The following ACSF2 variants were observed in gnomAD, a reference collection of about 807,000 sequenced individuals.
ACSF2 encodes acyl-CoA synthetase family member 2.
ACSF2 carries 52 observed loss-of-function variants against 79.3 expected under a neutral mutation model. The ratio of observed to expected loss-of-function variants is 0.66; its 90% CI spans 0.53 to 0.83. ACSF2 has a LOEUF of 0.83. Ranked by LOEUF, ACSF2 falls within the 40% of genes least tolerant of loss-of-function variation. ACSF2 has a pLI of 0.00. For synonymous variants in ACSF2, 283 were observed against 312.6 expected, an observed-to-expected ratio of 0.91 and a Z score of 1.00; for missense variants, 661 against 803.3, an observed-to-expected ratio of 0.82 and a Z score of 2.14.
At position 50,473,761 on chromosome 17, in the gene ACSF2, G is replaced by A. The variant is rs752490530; in HGVS notation, c.1572G>A (p.Glu524=). Reference sequence around the variant, plus strand: ...GTGGTGAGAACATCTACCCCGCAGAGCTCGAGGACTTCTTTCACACACACC... The same window carrying A: ...GTGGTGAGAACATCTACCCCGCAGAACTCGAGGACTTCTTTCACACACACC... ...IRGGENIYPA[E]LEDFFHTHPK... is the part of the protein sequence containing the mutation. Residue 524 remains glutamate (E), a synonymous_variant, in exon 13 of 16, where the codon GAG becomes GAA. Coordinates refer to ENST00000300441, the MANE Select transcript of ACSF2 (RefSeq NM_025149.6). 2 of 1,614,220 alleles carry A rather than the reference G, an allele frequency of 1.2e-6. No homozygotes were observed. The highest frequency in any genetic ancestry group is 4.5e-5 in the East Asian group (2 of 44,888).
At chr17:50,445,489 G>A (rs750034504) in intron 1 of ACSF2, among the ~76,000 whole-genome samples, 4 of 152,088 alleles carry the variant, frequency 2.6e-5, no homozygotes, top group African/African-American at 4.8e-5. Flanking sequence ...TTACATTCCC[G>A]ACGTGTCATC....
intron 1 of ACSF2, among the ~76,000 whole-genome samples, chr17:50,459,551 G>A (rs1013042611): frequency 1.3e-5 from 2 of 152,162 alleles, no homozygotes; most frequent in African/African-American, 4.8e-5. Flanking sequence ...CCTGGCTCAG[G>A]TGCCACAGTT....
At chr17:50,454,859 C>T (rs1196776339) in intron 1 of ACSF2, among the ~76,000 whole-genome samples, 1 of 151,016 alleles carries the variant, frequency 6.6e-6, no homozygotes, top group African/African-American at 2.4e-5. Flanking sequence ...TTTTTTTTTT[C>T]CCCCATAAAT....
intron 1 of ACSF2, among the ~76,000 whole-genome samples, chr17:50,430,340 T>A (rs534866331): frequency 5.2e-4 from 79 of 152,296 alleles, no homozygotes; most frequent in African/African-American, 1.9e-3. Context: ...CCTGATTATA[T>A]GATCTGATGA....
In ACSF2 at chr17:50,460,707, G is replaced by A. The variant is rs879457609; in HGVS notation, c.159G>A (p.Thr53=). ...GAGAGGTGGATCGCATGGTCTCCAC[G>A]CCCATCGGAGGCCTCAGCTACGTTC... The part of the protein sequence containing the change: ...SSREVDRMVS[T]PIGGLSYVQG... Residue 53 remains threonine, a synonymous_variant, in exon 2 of 16, where the codon ACG becomes ACA. Transcript: ENST00000300441. 2.2e-5 allele frequency: 36 copies of A among 1,612,862 alleles called. No individual in the cohort carries two copies. The highest frequency in any genetic ancestry group is 3.3e-5 in the Admixed American group (2 of 59,888).
intron 1 of ACSF2, among the ~76,000 whole-genome samples, chr17:50,444,922 CT>C (rs536566863): frequency 5.3e-5 from 8 of 151,698 alleles, no homozygotes; most frequent in Admixed American, 1.3e-4. Context: ...GATAATGTGG[CT>C]TTTTTTTGAG....
At position 50,426,355 on chromosome 17, in the gene ACSF2, C is replaced by A; in HGVS notation, c.94C>A (p.Gln32Lys). ...GARAALSRSW[Q>K]EARLQGVRFL... ...CCGGGCCGCCCTCTCTCGGAGTTGG[C>A]AGGAAGCCAGGTTGCAGGGTGTCCG... is the stretch of plus-strand genomic sequence containing the variant. Residue 32 changes from glutamine to lysine, a missense_variant, in exon 1 of 16, where the codon CAG becomes AAG. Transcript: ENST00000300441. 1 of 1,419,764 alleles carries A rather than the reference C, an allele frequency of 7.0e-7. No individual in the cohort carries two copies. The highest frequency in any genetic ancestry group is 1.5e-5 in the African/African-American group (1 of 67,950). The allele number at this position is 1,419,764 out of a possible 1,614,324, so 87.9% of individuals were successfully genotyped here. A position where few individuals can be genotyped will look rare whatever the true frequency, so the allele number is the denominator to read the frequency against.
chr17:50,458,316 G>GT (rs1448562431), intron 1 of ACSF2, among the ~76,000 whole-genome samples: 2 of 152,050 alleles, frequency 1.3e-5, no homozygotes, highest in Admixed American at 1.3e-4. Context: ...GGACCCTTTG[G>GT]TTTCAGCTGG....
At chr17:50,468,833 G>C (rs1879370688) in intron 10 of ACSF2, 1 of 1,477,974 alleles carries the variant, frequency 6.8e-7, no homozygotes, top group Non-Finnish European at 8.9e-7. Flanking sequence ...GCCTGGGGCC[G>C]GGGCTGGGGG....
intron 1 of ACSF2, among the ~76,000 whole-genome samples, chr17:50,454,723 C>T (rs767591315): frequency 1.4e-4 from 22 of 152,148 alleles, no homozygotes; most frequent in Non-Finnish European, 2.4e-4. Flanking sequence ...TTCCACACAA[C>T]GTGGCCAGCT....
At chr17:50,461,946 G>A (rs1213534471) in intron 4 of ACSF2, among the ~76,000 whole-genome samples, 5 of 151,598 alleles carry the variant, frequency 3.3e-5, no homozygotes, top group Non-Finnish European at 5.9e-5. Context: ...GTGTGTGTGT[G>A]TGTGTGCGTG....
Position 50,461,670 on chromosome 17 carries a change from A to C in ACSF2, c.491A>C (p.Glu164Ala). The stretch of plus-strand genomic sequence containing the variant: ...CCAGCCTACCAGGCTATGGAACTGG[A>C]GTATGTCCTCAAGAAGGTACAGCTC... ...VNPAYQAMELEYVLKKVGCKA... is the reference protein window; with the variant it reads ...VNPAYQAMELAYVLKKVGCKA... The change falls in exon 4 of 16, where the codon GAG becomes GCG. Residue 164 changes from glutamate to alanine, a missense_variant. By Grantham distance (107) the Glu-to-Ala change is moderately radical. Transcript: ENST00000300441. 6.2e-7 allele frequency: 1 copy of C among 1,614,118 alleles called. No homozygotes were observed. Among genetic ancestry groups the C allele is most frequent in the Non-Finnish European group, 8.5e-7 (1 of 1,179,998 alleles).
chr17:50,451,740 G>C (rs1029180942), intron 1 of ACSF2, among the ~76,000 whole-genome samples: 1 of 152,170 alleles, frequency 6.6e-6, no homozygotes, highest in African/African-American at 2.4e-5. Context: ...GTGAGCCACC[G>C]CGCCCAGCCC....
At position 50,435,586 on chromosome 17, in the gene ACSF2, A is replaced by T. The variant is rs191650634; in HGVS notation, c.128+9197A>T. Reference sequence around the variant, plus strand: ...CCACAAAGCCCAGCTAATTTAAAAAATTTTTTCATAGAGATGGATGGCACT... The same window carrying T: ...CCACAAAGCCCAGCTAATTTAAAAATTTTTTTCATAGAGATGGATGGCACT... On this transcript the variant is annotated intron_variant, in intron 1 of 15. Coordinates refer to ENST00000300441, the MANE Select transcript of ACSF2 (RefSeq NM_025149.6). 4.0e-3 allele frequency among the ~76,000 whole-genome samples: 402 copies of T among 101,412 alleles called. 2 individuals are homozygous for T. The highest frequency in any genetic ancestry group is 0.018 in the African/African-American group (369 of 20,840). The allele number at this position is 101,412 out of a possible 152,430, so 66.5% of individuals were successfully genotyped here.
intron 10 of ACSF2, among the ~76,000 whole-genome samples, chr17:50,467,577 C>A (rs79558609): frequency 6.6e-6 from 1 of 152,180 alleles, no homozygotes; most frequent in Non-Finnish European, 1.5e-5. Flanking sequence ...CATGCACAGC[C>A]CCCACCAGGA....
At chr17:50,439,232 CTT>C (rs754203020) in intron 1 of ACSF2, among the ~76,000 whole-genome samples, 5 of 96,458 alleles carry the variant, frequency 5.2e-5, no homozygotes, top group Middle Eastern at 5.7e-3. Context: ...TACCACACAG[CTT>C]TTTTTTTTTT....
chr17:50,434,411 G>A (rs907156253), intron 1 of ACSF2, among the ~76,000 whole-genome samples: 3 of 152,080 alleles, frequency 2.0e-5, no homozygotes, highest in African/African-American at 4.8e-5. Flanking sequence ...ACTGGGCTGG[G>A]TGCGGTGGCT....
chr17:50,433,808 A>G (rs1211722306), intron 1 of ACSF2, among the ~76,000 whole-genome samples: 2 of 151,848 alleles, frequency 1.3e-5, no homozygotes, highest in Non-Finnish European at 1.5e-5. Context: ...TTGTTTTGGT[A>G]GAGACAGATT....
chr17:50,442,875 CAATT>C (rs775646624), intron 1 of ACSF2, among the ~76,000 whole-genome samples: 1 of 151,448 alleles, frequency 6.6e-6, no homozygotes, highest in Non-Finnish European at 1.5e-5. Flanking sequence ...TGCTAAGTGG[CAATT>C]AATCATACCT....
Sources: allele counts gnomAD v4.1 joint callset (sites outside exome capture counted in the v4.1 genomes callset), GRCh38; gene constraint gnomAD v4.1.1; transcripts MANE v1.5; gene names NCBI Gene and HGNC (gene_info 2026-07-23, HGNC 2026-07-21).